DIP2C: variants seen among roughly 807,000 people sequenced by gnomAD.
DIP2C encodes DIP2 acetate--CoA ligase C (putative).
Under a neutral mutation model 192.4 loss-of-function variants are expected in DIP2C, and 33 were observed. That is an observed-to-expected ratio of 0.17 (90% CI 0.13 to 0.23). The LOEUF (loss-of-function observed/expected upper bound fraction) is 0.23, where lower values mean the gene tolerates loss of function less well. Ranked by LOEUF, DIP2C falls within the 10% of genes least tolerant of loss-of-function variation. The pLI is 1.00. For missense variants in DIP2C, 1,537 were observed against 2,110.1 expected, an observed-to-expected ratio of 0.73 and a Z score of 5.32; for synonymous variants, 979 against 864.1, an observed-to-expected ratio of 1.13 and a Z score of -2.33.
chr10:656,137 ATAC>A (rs1438200587), intron 1 of DIP2C, among the ~76,000 whole-genome samples: 1 of 84,824 alleles, frequency 1.2e-5, no homozygotes, highest in African/African-American at 5.0e-5. Flanking sequence ...ATTGTACACT[ATAC>A]TATAAGTTAC....
At chr10:509,256 C>A (rs185534488) in intron 1 of DIP2C, among the ~76,000 whole-genome samples, 2 of 152,162 alleles carry the variant, frequency 1.3e-5, no homozygotes, top group Non-Finnish European at 2.9e-5. Flanking sequence ...CCGTCCTAAC[C>A]GCGCCAGGTA....
intron 1 of DIP2C, among the ~76,000 whole-genome samples, chr10:541,763 G>C (rs570404552): frequency 7.5e-5 from 11 of 146,030 alleles, no homozygotes; most frequent in Admixed American, 1.4e-4. Flanking sequence ...CATCTCTCCT[G>C]GACCCCACAG....
At chr10:295,057 C>T (rs1029460262) in intron 32 of DIP2C, among the ~76,000 whole-genome samples, 2 of 151,270 alleles carry the variant, frequency 1.3e-5, no homozygotes, top group Non-Finnish European at 2.9e-5. Context: ...CCAGAAAATA[C>T]ATGAAAAATG....
At chr10:445,959 T>C (rs961482300) in intron 3 of DIP2C, among the ~76,000 whole-genome samples, 3 of 151,852 alleles carry the variant, frequency 2.0e-5, no homozygotes, top group African/African-American at 7.3e-5. Context: ...TATACATCTG[T>C]TGTGAAGAGT....
chr10:676,416 A>G (rs1830879109), intron 1 of DIP2C, among the ~76,000 whole-genome samples: 2 of 152,246 alleles, frequency 1.3e-5, no homozygotes, highest in Admixed American at 1.3e-4. Flanking sequence ...GTCAAGAGCA[A>G]TCAGGCAAGA....
chr10:543,269 C>T (rs969167637), intron 1 of DIP2C, among the ~76,000 whole-genome samples: 4 of 152,228 alleles, frequency 2.6e-5, no homozygotes, highest in Admixed American at 1.3e-4. Context: ...CAGCTTTGTG[C>T]GCATTTCCGG....
At chr10:438,677 G>C (rs1232440783) in intron 4 of DIP2C, among the ~76,000 whole-genome samples, 3 of 151,678 alleles carry the variant, frequency 2.0e-5, no homozygotes, top group Non-Finnish European at 4.4e-5. Flanking sequence ...TTTTGGTGGA[G>C]ACAGGGTTTT....
At chr10:300,198 A>AT (rs1955957203) in intron 32 of DIP2C, among the ~76,000 whole-genome samples, 4 of 152,238 alleles carry the variant, frequency 2.6e-5, no homozygotes, top group Admixed American at 2.6e-4. Flanking sequence ...CTTGAACAGT[A>AT]TCTATAAACC....
intron 3 of DIP2C, among the ~76,000 whole-genome samples, chr10:441,647 T>G (rs1423195261): frequency 1.3e-5 from 2 of 152,210 alleles, no homozygotes; most frequent in Non-Finnish European, 2.9e-5. Context: ...GCTGCTGACA[T>G]GTAAAAAGTG....
In DIP2C at chr10:327,053, C is replaced by T. The variant is rs756618873; in HGVS notation, c.3877G>A (p.Val1293Ile). The T allele has an allele frequency of 5.6e-6, 9 of 1,613,998 alleles. No individual in the cohort carries two copies. In the African/African-American group the frequency reaches 6.7e-5, roughly 12 times the overall value. Reference protein sequence around the residue: ...FKDLGLHPRAVSTSFGCRVNL... With the variant: ...FKDLGLHPRAISTSFGCRVNL... ...ACCCTGCAACCGAACGAGGTGCTGACGGCCCGCGGGTGAAGGCCCAGGTCC... is the reference window on the plus strand; with the variant it reads ...ACCCTGCAACCGAACGAGGTGCTGATGGCCCGCGGGTGAAGGCCCAGGTCC... Residue 1293 changes from valine (V) to isoleucine (I), a missense_variant, in exon 31 of 37, where the codon GTC (valine) becomes ATC (isoleucine). Val to Ile is a conservative substitution (Grantham distance 29). Around this residue, in one of 4 missense-constraint regions of DIP2C, gnomAD observed 341 missense variants for 551.7 expected, o/e 0.62. Transcript: ENST00000280886.
chr10:335,011 C>T (rs899701606), intron 29 of DIP2C, among the ~76,000 whole-genome samples: 1 of 152,130 alleles, frequency 6.6e-6, no homozygotes, highest in Admixed American at 6.5e-5. Flanking sequence ...TTACATTGAA[C>T]CTATAAAGCA....
At position 439,444 on chromosome 10, in the gene DIP2C, C is replaced by G. The variant is rs72772893; in HGVS notation, c.394+1427G>C. The stretch of plus-strand genomic sequence containing the variant: ...AAAAACAACAACAACATAGGAACAC[C>G]CTGTCTCCACAAAAACTTAAAAATT... On this transcript the variant is annotated intron_variant, in intron 4 of 36. Coordinates refer to ENST00000280886, the MANE Select transcript of DIP2C (RefSeq NM_014974.3). 2.5e-3 allele frequency among the ~76,000 whole-genome samples: 378 copies of G among 152,272 alleles called. 2 individuals carry two copies. Among genetic ancestry groups the G allele is most frequent in the East Asian group, 4.8e-3 (25 of 5,178 alleles).
chr10:341,097 T>C, intron 29 of DIP2C, 102 bp downstream of exon 29: 1 of 1,504,826 alleles, frequency 6.6e-7, no homozygotes, highest in Middle Eastern at 1.9e-4. Flanking sequence ...CTGGCAGGAG[T>C]GGGGGTGTGG....
chr10:393,590 C>T (rs1963666289), intron 10 of DIP2C, among the ~76,000 whole-genome samples: 1 of 152,024 alleles, frequency 6.6e-6, no homozygotes, highest in South Asian at 2.1e-4. Context: ...CCAGCCTGGC[C>T]AGCATGGCTA....
At chr10:295,497 C>T (rs1402859853) in intron 32 of DIP2C, among the ~76,000 whole-genome samples, 1 of 135,326 alleles carries the variant, frequency 7.4e-6, no homozygotes, top group Admixed American at 8.3e-5. Flanking sequence ...GGAGGCGGAG[C>T]TTGCAGTGAG....
At chr10:385,625 T>C (rs2132911080) in intron 14 of DIP2C, among the ~76,000 whole-genome samples, 1 of 152,156 alleles carries the variant, frequency 6.6e-6, no homozygotes, top group African/African-American at 2.4e-5. Flanking sequence ...CTGACAAAAA[T>C]AAACTGGGAA....
At chr10:542,946 T>C (rs1848087657) in intron 1 of DIP2C, among the ~76,000 whole-genome samples, 1 of 152,192 alleles carries the variant, frequency 6.6e-6, no homozygotes, top group Non-Finnish European at 1.5e-5. Flanking sequence ...TCTAGTTCTT[T>C]TCTAAGCCCA....
chr10:385,071 G>A (rs528728027), intron 14 of DIP2C, among the ~76,000 whole-genome samples: 36 of 151,672 alleles, frequency 2.4e-4, no homozygotes, highest in African/African-American at 8.5e-4. Context: ...CAGCTCTCAG[G>A]GAGCGCCACG....
chr10:625,554 C>T (rs892865315), intron 1 of DIP2C, among the ~76,000 whole-genome samples: 1 of 152,088 alleles, frequency 6.6e-6, no homozygotes, highest in Non-Finnish European at 1.5e-5. Context: ...ACAGCGTGAC[C>T]GTCGCCCACA....
Sources: allele counts gnomAD v4.1 joint callset (sites outside exome capture counted in the v4.1 genomes callset), GRCh38; gene constraint gnomAD v4.1.1; regional missense constraint gnomAD v4.1.1; transcripts MANE v1.5; gene names NCBI Gene and HGNC (gene_info 2026-07-23, HGNC 2026-07-21).